The following GREB1L variants were observed in gnomAD, a reference collection of about 807,000 sequenced individuals.
GREB1L encodes the protein GREB1-like protein.
Under a neutral mutation model 200.8 loss-of-function variants are expected in GREB1L, and 17 were observed. The observed-to-expected ratio is 0.08, with a 90% confidence interval of 0.06 to 0.13. The LOEUF is 0.13. GREB1L is among the 10% of genes least tolerant of loss of function. The pLI is 1.00. For missense variants in GREB1L, 1,657 were observed against 2,367.7 expected (o/e 0.70, Z 6.23); for synonymous variants, 789 against 893.0 (o/e 0.88, Z 2.08).
At chr18:21,462,639 G>A (rs1186444499) in intron 15 of GREB1L, among the ~76,000 whole-genome samples, 1 of 152,112 alleles carries the variant, frequency 6.6e-6, no homozygotes, top group South Asian at 2.1e-4. Context: ...TGGTAGAGAC[G>A]GGGTTTCGCC....
rs1161454938 is a variant in GREB1L, at chr18:21,526,108, T to C, written c.*3287T>C. 6.6e-6 allele frequency among the ~76,000 whole-genome samples: 1 copy of C among 152,064 alleles called. No individual in the cohort carries two copies. Among genetic ancestry groups the C allele is most frequent in the Non-Finnish European group, 1.5e-5 (1 of 68,028 alleles). ...TCCAGAGAACGAACATTTATCAAGCTTCTCTTTAGACACAGAAACTGGAAA... is the reference window on the plus strand; with the variant it reads ...TCCAGAGAACGAACATTTATCAAGCCTCTCTTTAGACACAGAAACTGGAAA... On this transcript the variant is annotated 3_prime_UTR_variant, in exon 33 of 33. Transcript: ENST00000424526.
chr18:21,378,532 C>T (rs1008233764), intron 2 of GREB1L, among the ~76,000 whole-genome samples: 5 of 152,164 alleles, frequency 3.3e-5, no homozygotes, highest in African/African-American at 1.2e-4. Flanking sequence ...CACCACCATG[C>T]CTGGTTAATT....
chr18:21,456,097 G>A (rs754793992), intron 15 of GREB1L, among the ~76,000 whole-genome samples: 17 of 151,752 alleles, frequency 1.1e-4, no homozygotes, highest in Non-Finnish European at 2.2e-4. Flanking sequence ...GTAGAGACAG[G>A]GTTTCACTAT....
intron 1 of GREB1L, among the ~76,000 whole-genome samples, chr18:21,321,321 A>G (rs1218950988): frequency 6.6e-6 from 1 of 152,018 alleles, no homozygotes; most frequent in African/African-American, 2.4e-5. Flanking sequence ...TAAAATCTTA[A>G]GAAACCTTAT....
Position 21,386,541 on chromosome 18 carries a change from G to A in GREB1L, c.355+2138G>A, listed in dbSNP as rs112484462. ...CCTGACCTCATGATCCACCCTCCTC[G>A]GCTCCCAAAGTGCTGGGATTATAGG... On this transcript the variant is annotated intron_variant, in intron 4 of 32. Coordinates refer to ENST00000424526, the MANE Select transcript of GREB1L (RefSeq NM_001142966.3). Among the ~76,000 whole-genome samples the A allele has an allele frequency of 7.7e-3, 1,155 of 150,490 alleles. 18 individuals carry two copies. The highest frequency in any genetic ancestry group is 0.027 in the African/African-American group (1,109 of 40,862).
intron 17 of GREB1L, among the ~76,000 whole-genome samples, chr18:21,481,686 T>C (rs1327292731): frequency 2.0e-5 from 3 of 152,084 alleles, no homozygotes; most frequent in African/African-American, 7.2e-5. Flanking sequence ...TCTGGCCTTC[T>C]GTACTACAGA....
In GREB1L at chr18:21,499,997, C is replaced by G; in HGVS notation, c.3660C>G (p.Gly1220=). Residue 1220 remains glycine, a synonymous_variant, in exon 22 of 33, where the codon GGC becomes GGG. Coordinates refer to ENST00000424526, the MANE Select transcript of GREB1L (RefSeq NM_001142966.3). ...TLPWPGQPIR[G]CRGPQAALPP... is the part of the protein sequence containing the mutation. ...CATGGCCGGGACAGCCCATCAGAGG[C>G]TGCCGGGGCCCACAGGCAGCCCTGC... 1 of 1,551,520 alleles carries G rather than the reference C, an allele frequency of 6.4e-7. No homozygotes were observed. The highest frequency in any genetic ancestry group is 1.4e-5 in the African/African-American group (1 of 73,184).
chr18:21,423,236 G>T (rs1278755242), intron 7 of GREB1L, among the ~76,000 whole-genome samples: 2 of 152,034 alleles, frequency 1.3e-5, no homozygotes, highest in Non-Finnish European at 2.9e-5. Flanking sequence ...CCCAAAATCT[G>T]TTTTTTAAAT....
chr18:21,424,342 C>T (rs781120879), intron 7 of GREB1L, among the ~76,000 whole-genome samples: 2 of 152,000 alleles, frequency 1.3e-5, no homozygotes, highest in East Asian at 1.9e-4. Context: ...CTGAGGCAGG[C>T]GAATCACTTG....
intron 23 of GREB1L, among the ~76,000 whole-genome samples, 196 bp from the exon 24 acceptor site, chr18:21,505,216 G>C (rs1301690579): frequency 3.3e-5 from 5 of 152,168 alleles, no homozygotes; most frequent in Non-Finnish European, 5.9e-5. Context: ...CGAATGCTGG[G>C]GGCCAGTGAG....
At chr18:21,488,750 A>G (rs2036220431) in intron 18 of GREB1L, among the ~76,000 whole-genome samples, 1 of 152,062 alleles carries the variant, frequency 6.6e-6, no homozygotes, top group Non-Finnish European at 1.5e-5. Context: ...TCCACCTCCC[A>G]GGTTCAAGTG....
intron 7 of GREB1L, among the ~76,000 whole-genome samples, chr18:21,421,162 C>T (rs577786934): frequency 3.0e-4 from 46 of 152,110 alleles, no homozygotes; most frequent in East Asian, 9.7e-4. Flanking sequence ...TACAAGGAAA[C>T]GTGGGGATGA....
At chr18:21,517,889 C>A in intron 30 of GREB1L, 145 bp from the exon 31 acceptor site, 1 of 646,140 alleles carries the variant, frequency 1.5e-6, no homozygotes. Context: ...TTTCAGGACC[C>A]TTTACTAACA....
intron 7 of GREB1L, among the ~76,000 whole-genome samples, chr18:21,411,922 A>G (rs1262519127): frequency 5.3e-5 from 8 of 151,738 alleles, no homozygotes; most frequent in African/African-American, 1.2e-4. Flanking sequence ...GTGGGCGCCT[A>G]TAGTCCCAGC....
intron 18 of GREB1L, among the ~76,000 whole-genome samples, chr18:21,487,514 A>G (rs1222336444): frequency 6.6e-6 from 1 of 152,214 alleles, no homozygotes; most frequent in Non-Finnish European, 1.5e-5. Flanking sequence ...TGAATACCTG[A>G]AGGGACCAGC....
chr18:21,288,290 C>T (rs554732141), intron 1 of GREB1L, among the ~76,000 whole-genome samples: 2 of 152,104 alleles, frequency 1.3e-5, no homozygotes, highest in Admixed American at 6.5e-5. Context: ...CTTTCTTCCA[C>T]CTGGGGGAAA....
At chr18:21,380,889 A>G (rs1332606693) in intron 2 of GREB1L, among the ~76,000 whole-genome samples, 1 of 151,694 alleles carries the variant, frequency 6.6e-6, no homozygotes, top group South Asian at 2.1e-4. Flanking sequence ...TCACGAGGTC[A>G]GGAGTTCAAG....
intron 25 of GREB1L, among the ~76,000 whole-genome samples, chr18:21,507,774 T>C (rs886236846): frequency 6.6e-6 from 1 of 152,186 alleles, no homozygotes; most frequent in African/African-American, 2.4e-5. Flanking sequence ...AGGGGACCTT[T>C]AGGAATGCAT....
At chr18:21,410,493 A>C (rs2030842773) in intron 7 of GREB1L, among the ~76,000 whole-genome samples, 1 of 152,012 alleles carries the variant, frequency 6.6e-6, no homozygotes, top group African/African-American at 2.4e-5. Flanking sequence ...CTGTCTCTCC[A>C]AAAACATAAA....
Sources: allele counts gnomAD v4.1 joint callset (sites outside exome capture counted in the v4.1 genomes callset), GRCh38; gene constraint gnomAD v4.1.1; transcripts MANE v1.5; gene names NCBI Gene and HGNC (gene_info 2026-07-23, HGNC 2026-07-21).